STARD13: variants seen among roughly 807,000 people sequenced by gnomAD.
STARD13 encodes stAR-related lipid transfer protein 13.
In STARD13, 62 loss-of-function variants were observed where a neutral mutation model predicts 106.4. The observed-to-expected ratio is 0.58, with a 90% CI of 0.48 to 0.72. The LOEUF (loss-of-function observed/expected upper bound fraction) is 0.72, where lower values mean the gene tolerates loss of function less well. STARD13 is among the 30% of genes least tolerant of loss of function. The pLI is 0.00. For synonymous variants in STARD13, 565 were observed against 553.0 expected (o/e 1.02, Z -0.31); for missense variants, 1,387 against 1,424.0 (o/e 0.97, Z 0.42).
the STARD13 span, among the ~76,000 whole-genome samples, chr13:33,394,281 A>T: frequency 6.6e-6 from 1 of 152,142 alleles, no homozygotes; most frequent in African/African-American, 2.4e-5. Flanking sequence ...AAAATTCCAG[A>T]ATTGCACTGT....
intron 1 of STARD13, among the ~76,000 whole-genome samples, chr13:33,260,452 A>AT (rs1323877582): frequency 6.6e-6 from 1 of 152,152 alleles, no homozygotes; most frequent in Non-Finnish European, 1.5e-5. Flanking sequence ...TGCCCTCTAC[A>AT]TTTTACGGGG....
the STARD13 span, among the ~76,000 whole-genome samples, chr13:33,493,826 A>G: frequency 4.6e-5 from 7 of 152,206 alleles, no homozygotes; most frequent in African/African-American, 1.4e-4. Context: ...TTAAACTTGT[A>G]CATTCACAGA....
the STARD13 span, among the ~76,000 whole-genome samples, chr13:33,556,369 A>G: frequency 1.3e-5 from 2 of 151,378 alleles, no homozygotes; most frequent in Non-Finnish European, 2.9e-5. Context: ...GCAGCCTCCA[A>G]TTCTTGGGCT....
At chr13:33,224,642 A>G (rs1332613963) in intron 1 of STARD13, among the ~76,000 whole-genome samples, 3 of 152,246 alleles carry the variant, frequency 2.0e-5, no homozygotes. Context: ...TCACATAGCC[A>G]TGCCTCATAT....
chr13:33,110,173 A>T, intron 11 of STARD13, 83 bp from the exon 12 acceptor site: 1 of 1,248,734 alleles, frequency 8.0e-7, no homozygotes, highest in Non-Finnish European at 1.1e-6. Flanking sequence ...TAGTTTTGCT[A>T]TCATACCTTG....
chr13:33,173,388 A>G (rs1012229575), intron 1 of STARD13, among the ~76,000 whole-genome samples: 1 of 152,234 alleles, frequency 6.6e-6, no homozygotes, highest in African/African-American at 2.4e-5. Context: ...ATGGATACCA[A>G]TGATGCAATC....
chr13:33,308,607 C>G (rs549202156), intron 1 of STARD13, among the ~76,000 whole-genome samples: 3 of 149,274 alleles, frequency 2.0e-5, no homozygotes, highest in Non-Finnish European at 4.4e-5. Flanking sequence ...CACTGCAACC[C>G]TTACCTCCTG....
the STARD13 span, among the ~76,000 whole-genome samples, chr13:33,411,575 CAAGTT>C: frequency 6.6e-6 from 1 of 151,968 alleles, no homozygotes; most frequent in South Asian, 2.1e-4. Context: ...CACCGAGAAA[CAAGTT>C]AAGAGAGCTC....
chr13:33,141,766 T>G (rs560906763), intron 4 of STARD13, among the ~76,000 whole-genome samples: 1 of 152,206 alleles, frequency 6.6e-6, no homozygotes, highest in Non-Finnish European at 1.5e-5. Flanking sequence ...TCTGAACTTT[T>G]AATCTACTCA....
chr13:33,259,494 C>T (rs983831012), intron 1 of STARD13, among the ~76,000 whole-genome samples: 6 of 152,108 alleles, frequency 3.9e-5, no homozygotes, highest in Non-Finnish European at 5.9e-5. Flanking sequence ...CAATCTCAAC[C>T]CTGGGTAGAG....
At chr13:33,401,830 C>T in the STARD13 span, among the ~76,000 whole-genome samples, 1 of 152,228 alleles carries the variant, frequency 6.6e-6, no homozygotes, top group Non-Finnish European at 1.5e-5. Flanking sequence ...GACTCTCATG[C>T]TCTTATATTT....
At chr13:33,187,033 C>A (rs1885829776) in intron 1 of STARD13, among the ~76,000 whole-genome samples, 2 of 152,198 alleles carry the variant, frequency 1.3e-5, no homozygotes, top group Admixed American at 6.5e-5. Context: ...GATCACTCTC[C>A]CATCTGGGCT....
At chr13:33,440,223 G>A in the STARD13 span, among the ~76,000 whole-genome samples, 1 of 147,200 alleles carries the variant, frequency 6.8e-6, no homozygotes, top group Non-Finnish European at 1.5e-5. Flanking sequence ...AGGTTGCAGT[G>A]AACCGTGATC....
At chr13:33,628,419 G>A in the STARD13 span, among the ~76,000 whole-genome samples, 1,632 of 152,256 alleles carry the variant, frequency 0.011, 32 homozygotes, top group African/African-American at 0.037. Context: ...TCAGGTATGT[G>A]TACGAGTCAG....
Position 33,103,937 on chromosome 13 carries a change from G to A in STARD13, c.*1656C>T, listed in dbSNP as rs189083283. On this transcript the variant is annotated 3_prime_UTR_variant, in exon 14 of 14. Transcript: ENST00000336934. Reference sequence around the variant, plus strand: ...TTCCTTCTTAGGTAGATATGGGAATGAAAAATTTCTAGGTCATAATTCAAA... The same window carrying A: ...TTCCTTCTTAGGTAGATATGGGAATAAAAAATTTCTAGGTCATAATTCAAA... 8 of 152,212 alleles carry A rather than the reference G, an allele frequency of 5.3e-5. No individual in the cohort carries two copies. Among genetic ancestry groups the A allele is most frequent in the African/African-American group, 1.9e-4 (8 of 41,462 alleles). The allele number at this position is 152,212 out of a possible 1,614,324, so 9.4% of individuals were successfully genotyped here. A position where few individuals can be genotyped will look rare whatever the true frequency, so the allele number is the denominator to read the frequency against.
chr13:33,424,048 C>T, the STARD13 span, among the ~76,000 whole-genome samples: 1 of 151,864 alleles, frequency 6.6e-6, no homozygotes, highest in Non-Finnish European at 1.5e-5. Context: ...ACCTATGTAA[C>T]AAACCTGCAT....
chr13:33,495,825 A>G, the STARD13 span, among the ~76,000 whole-genome samples: 1 of 145,560 alleles, frequency 6.9e-6, no homozygotes, highest in Non-Finnish European at 1.5e-5. Context: ...TACATAATTA[A>G]TATTATACAA....
chr13:33,126,117 T>G lies in STARD13; in HGVS notation c.2046A>C (p.Gln682His). The G allele has an allele frequency of 6.2e-7, 1 of 1,614,184 alleles. No individual in the cohort carries two copies. The highest frequency in any genetic ancestry group is 8.5e-7 in the Non-Finnish European group (1 of 1,180,030). Residue 682 changes from glutamine (Q) to histidine (H), a missense_variant, in exon 7 of 14, where the codon CAA becomes CAC. Gln to His is a conservative substitution (Grantham distance 24). Coordinates refer to ENST00000336934, the MANE Select transcript of STARD13 (RefSeq NM_178006.4). ...AGTTGCTGCGTAGATATCTCAGTGC[T>G]TGCTGAATACTTTGAGGCAGGGGCT... ...TGQPLPQSIQ[Q>H]ALRYLRSNCL...
chr13:33,549,165 G>C, the STARD13 span, among the ~76,000 whole-genome samples: 3 of 152,130 alleles, frequency 2.0e-5, no homozygotes, highest in Admixed American at 6.6e-5. Context: ...TTGTGCTTTG[G>C]AGAATCTATT....
Sources: gnomAD v4.1 joint callset for allele counts (sites outside exome capture counted in the v4.1 genomes callset) on GRCh38, gnomAD v4.1.1 for gene constraint, MANE v1.5 for transcripts, NCBI Gene and HGNC (gene_info 2026-07-23, HGNC 2026-07-21) for gene names.